The following CLNS1A variants were observed in gnomAD, a reference collection of about 807,000 sequenced individuals.
CLNS1A encodes chloride nucleotide-sensitive channel 1A.
Under a neutral mutation model 29.4 loss-of-function variants are expected in CLNS1A, and 16 were observed. That is an observed-to-expected ratio of 0.54 (90% CI 0.37 to 0.83). The LOEUF (loss-of-function observed/expected upper bound fraction) is 0.83. CLNS1A is among the 40% of genes least tolerant of loss of function. The probability of loss-of-function intolerance (pLI) is 0.00; values close to 1 mark genes in which losing one functional copy is unlikely to be tolerated. For missense variants in CLNS1A, 235 were observed against 287.4 expected, an observed-to-expected ratio of 0.82 and a Z score of 1.32; for synonymous variants, 96 against 104.8, an observed-to-expected ratio of 0.92 and a Z score of 0.51.
At chr11:77,630,487 T>C (rs1396307065) in intron 1 of CLNS1A, among the ~76,000 whole-genome samples, 1 of 152,212 alleles carries the variant, frequency 6.6e-6, no homozygotes, top group Non-Finnish European at 1.5e-5. Context: ...AAAAGACATA[T>C]ATATGAAATG....
chr11:77,628,381 G>A (rs1007083196), intron 2 of CLNS1A, among the ~76,000 whole-genome samples: 1 of 152,150 alleles, frequency 6.6e-6, no homozygotes, highest in Non-Finnish European at 1.5e-5. Context: ...TACTTAGATG[G>A]AGAGTAAATT....
At chr11:77,620,969 G>A (rs900892097) in intron 5 of CLNS1A, among the ~76,000 whole-genome samples, 6 of 151,848 alleles carry the variant, frequency 4.0e-5, no homozygotes, top group Middle Eastern at 3.4e-3. Context: ...GCAACAGAGT[G>A]AGACTCCGTC....
chr11:77,622,715 G>GAAAA, intron 4 of CLNS1A, 42 bp from the exon 5 acceptor site: 1 of 1,442,080 alleles, frequency 6.9e-7, no homozygotes, highest in Non-Finnish European at 9.3e-7. Context: ...ACAACAATTA[G>GAAAA]AAAAAACAAA....
intron 5 of CLNS1A, among the ~76,000 whole-genome samples, chr11:77,620,682 G>A (rs192262146): frequency 3.0e-4 from 45 of 151,974 alleles, no homozygotes; most frequent in African/African-American, 1.1e-3. Flanking sequence ...GGTGGCAGGC[G>A]CTTATAATCC....
Position 77,637,590 on chromosome 11 carries a change from C to G in CLNS1A, c.125G>C (p.Ser42Thr). Reference sequence around the variant, plus strand: ...CAGCGCTGGGGACCAGGAACCCTACCTCTCAGCGATGTAAAGGGTACCAGT... The same window carrying G: ...CAGCGCTGGGGACCAGGAACCCTACGTCTCAGCGATGTAAAGGGTACCAGT... Reference protein sequence around the residue: ...LGTGTLYIAESRLSWLDGSGL... With the variant: ...LGTGTLYIAETRLSWLDGSGL... Residue 42 changes from serine (S) to threonine (T), a missense_variant and splice_region_variant, in exon 1 of 7, where the codon AGC becomes ACC. Ser to Thr is a moderately conservative substitution (Grantham distance 58). Coordinates refer to ENST00000525428, the MANE Select transcript of CLNS1A (RefSeq NM_001293.3). 1 of 1,602,262 alleles carries G rather than the reference C, an allele frequency of 6.2e-7. No individual in the cohort carries two copies. The highest frequency in any genetic ancestry group is 8.5e-7 in the Non-Finnish European group (1 of 1,174,850).
chr11:77,632,054 A>AT (rs1235428667), intron 1 of CLNS1A, among the ~76,000 whole-genome samples: 3 of 152,272 alleles, frequency 2.0e-5, no homozygotes, highest in East Asian at 3.9e-4. Flanking sequence ...GATAAATCTT[A>AT]AAGAGCTAAA....
chr11:77,624,240 G>C (rs1011299919), intron 4 of CLNS1A, among the ~76,000 whole-genome samples: 1 of 152,138 alleles, frequency 6.6e-6, no homozygotes, highest in Non-Finnish European at 1.5e-5. Context: ...ACACCAGCCT[G>C]GGCATCAGAG....
At chr11:77,636,074 TTTTA>T (rs1348779219) in intron 1 of CLNS1A, among the ~76,000 whole-genome samples, 1 of 151,952 alleles carries the variant, frequency 6.6e-6, no homozygotes, top group East Asian at 1.9e-4. Context: ...CTTTTTTTAT[TTTTA>T]TTTTTTTTTT....
chr11:77,624,879 A>G, intron 4 of CLNS1A, 84 bp downstream of exon 4: 2 of 809,810 alleles, frequency 2.5e-6, no homozygotes, highest in Non-Finnish European at 4.1e-6. Flanking sequence ...AAAGAACTAT[A>G]ATCCTCTACC....
At chr11:77,625,452 C>G (rs1307475377) in intron 3 of CLNS1A, 1 of 480,830 alleles carries the variant, frequency 2.1e-6, no homozygotes, top group Admixed American at 3.9e-5. Flanking sequence ...TCAACAGCAC[C>G]AATCAGTAAA....
chr11:77,619,713 T>A lies in CLNS1A; in HGVS notation c.647-18A>T, dbSNP rs1958938427. 6 of 1,579,050 alleles carry A rather than the reference T, an allele frequency of 3.8e-6. No homozygotes were observed. Among genetic ancestry groups the A allele is most frequent in the Non-Finnish European group, 4.4e-6 (5 of 1,148,322 alleles). On this transcript the variant is annotated intron_variant, in intron 5 of 6. Coordinates refer to ENST00000525428, the MANE Select transcript of CLNS1A (RefSeq NM_001293.3). ...CATCCCATCTAAACAAAAAAATTAA[T>A]TACTGAGCAATCCCTATGAACACTT... is the stretch of plus-strand genomic sequence containing the variant.
rs939113347 is a variant in CLNS1A, at chr11:77,615,131, G to T, written c.*1587C>A. The T allele has an allele frequency of 6.6e-6, 1 of 152,178 alleles. No individual in the cohort carries two copies. The highest frequency in any genetic ancestry group is 1.5e-5 in the Non-Finnish European group (1 of 68,036). 9.4% of individuals were successfully genotyped at this position (152,178 alleles called of 1,614,324 possible). A position where few individuals can be genotyped will look rare whatever the true frequency, so the allele number is the denominator to read the frequency against. On this transcript the variant is annotated 3_prime_UTR_variant, in exon 7 of 7. Transcript: ENST00000525428. ...GCTATCAGAGCAATTTATGTTCATG[G>T]AAAGTCACAATTATAAATTTGTTCC...
intron 4 of CLNS1A, among the ~76,000 whole-genome samples, chr11:77,623,316 G>A (rs2135764561): frequency 6.6e-6 from 1 of 152,276 alleles, no homozygotes; most frequent in East Asian, 1.9e-4. Context: ...AGGGCCAGGT[G>A]CAGTGGCTGA....
At chr11:77,624,850 GCATACTTTACAGT>G in intron 4 of CLNS1A, 100 bp downstream of exon 4, 2 of 627,428 alleles carry the variant, frequency 3.2e-6, no homozygotes, top group Non-Finnish European at 5.5e-6. Context: ...TTACCATACT[GCATACTTTACAGT>G]CATATAAAGA....
intron 6 of CLNS1A, 176 bp downstream of exon 6, chr11:77,619,430 G>A: frequency 1.8e-6 from 1 of 566,058 alleles, no homozygotes. Context: ...TATTTGGGAG[G>A]GTGAGGCAGG....
rs532553716 is a variant in CLNS1A at position 77,630,847 on chromosome 11, T to C, written c.126-948A>G. On this transcript the variant is annotated intron_variant, in intron 1 of 6. Coordinates refer to ENST00000525428, the MANE Select transcript of CLNS1A (RefSeq NM_001293.3). ...TAGGGCTAGAAGGAAATAGGGAATG[T>C]CTGCTACTGGGTACCAGGTTCTTTT... Among the ~76,000 whole-genome samples the C allele has an allele frequency of 7.2e-5, 11 of 152,310 alleles. No homozygotes were observed. The East Asian group carries it at 2.1e-3, about 29-fold the overall frequency.
intron 1 of CLNS1A, among the ~76,000 whole-genome samples, chr11:77,631,939 T>A (rs1959078888): frequency 6.6e-6 from 1 of 152,038 alleles, no homozygotes; most frequent in African/African-American, 2.4e-5. Flanking sequence ...GGTTTTGCCA[T>A]GACGGCCAGG....
At chr11:77,617,015 T>C (rs1198276880) in intron 6 of CLNS1A, among the ~76,000 whole-genome samples, 1 of 152,228 alleles carries the variant, frequency 6.6e-6, no homozygotes, top group East Asian at 1.9e-4. Context: ...TTGCATAAAC[T>C]ACTCTTAATT....
At chr11:77,634,256 C>G (rs1180877327) in intron 1 of CLNS1A, among the ~76,000 whole-genome samples, 2 of 152,130 alleles carry the variant, frequency 1.3e-5, no homozygotes, top group Non-Finnish European at 2.9e-5. Flanking sequence ...ATAGTTTCAC[C>G]AAAGCCTAAA....
Sources: gnomAD v4.1 joint callset for allele counts (sites outside exome capture counted in the v4.1 genomes callset) on GRCh38, gnomAD v4.1.1 for gene constraint, MANE v1.5 for transcripts, NCBI Gene and HGNC (gene_info 2026-07-23, HGNC 2026-07-21) for gene names.